FSIP2: variants seen among roughly 807,000 people sequenced by gnomAD.
FSIP2 encodes the protein fibrous sheath-interacting protein 2.
In FSIP2, 367 loss-of-function variants were observed where a neutral mutation model predicts 510.5. That is an observed-to-expected ratio of 0.72 (90% CI 0.66 to 0.78). The LOEUF (loss-of-function observed/expected upper bound fraction) is 0.78. Ranked by LOEUF, FSIP2 falls within the 30% of genes least tolerant of loss-of-function variation. The pLI is 0.00. For missense variants in FSIP2, 7,594 were observed against 7,901.7 expected (o/e 0.96, Z 1.48); for synonymous variants, 2,601 against 2,732.2 (o/e 0.95, Z 1.50).
In FSIP2 at chr2:185,793,689, T is replaced by C; in HGVS notation, c.6553T>C (p.Leu2185=). 6.5e-7 allele frequency: 1 copy of C among 1,534,834 alleles called. No homozygotes were observed. Among genetic ancestry groups the C allele is most frequent in the Non-Finnish European group, 8.7e-7 (1 of 1,145,888 alleles). The change falls in exon 16 of 23, where the codon TTG becomes CTG. Residue 2185 remains leucine (L), a synonymous_variant. Coordinates refer to ENST00000424728, the MANE Select transcript of FSIP2 (RefSeq NM_173651.4). ...INAKNPTSAR[L]PLTFCDTFPK... is the part of the protein sequence containing the mutation. ...TGCAAAGAATCCTACTTCTGCAAGA[T>C]TGCCCCTGACATTTTGTGATACGTT... is the stretch of plus-strand genomic sequence containing the variant.
chr2:185,833,222 A>C lies in FSIP2; in HGVS notation c.20720A>C (p.His6907Pro). Reference protein sequence around the residue: ...RSSSPAHQDEH With the variant: ...RSSSPAHQDEP ...TCCTCACCAGCTCACCAGGATGAACACTGAAGCTTTTGTACCTGATATAAG... is the reference window on the plus strand; with the variant it reads ...TCCTCACCAGCTCACCAGGATGAACCCTGAAGCTTTTGTACCTGATATAAG... The change falls in exon 23 of 23, where the codon CAC becomes CCC. Residue 6907 changes from histidine to proline, a missense_variant. Coordinates refer to ENST00000424728, the MANE Select transcript of FSIP2 (RefSeq NM_173651.4). 3 of 1,605,350 alleles carry C rather than the reference A, an allele frequency of 1.9e-6. No individual in the cohort carries two copies. The highest frequency in any genetic ancestry group is 2.6e-6 in the Non-Finnish European group (3 of 1,176,458).
In FSIP2 at chr2:185,809,040, T is replaced by C; in HGVS notation, c.19734T>C (p.Asn6578=). The part of the protein sequence containing the change: ...ELRRASISGR[N]YSLGSPDLEK... ...GAAGAGCATCAATAAGTGGGAGAAA[T>C]TACTCCTTAGGATCACCTGATTTAG... The change falls in exon 17 of 23, where the codon AAT becomes AAC. Residue 6578 remains asparagine, a synonymous_variant. Coordinates refer to ENST00000424728, the MANE Select transcript of FSIP2 (RefSeq NM_173651.4). 1 of 1,612,160 alleles carries C rather than the reference T, an allele frequency of 6.2e-7. No homozygotes were observed. The highest frequency in any genetic ancestry group is 1.3e-5 in the African/African-American group (1 of 74,872).
intron 20 of FSIP2, among the ~76,000 whole-genome samples, chr2:185,827,467 A>G (rs1694033848): frequency 6.6e-6 from 1 of 151,882 alleles, no homozygotes; most frequent in Non-Finnish European, 1.5e-5. Flanking sequence ...CACAGCTTTA[A>G]GCAATGAAGC....
rs1173509719 is a variant in FSIP2, at chr2:185,790,854, C to T, written c.3718C>T (p.Pro1240Ser). 1 of 1,532,562 alleles carries T rather than the reference C, an allele frequency of 6.5e-7. No homozygotes were observed. Among genetic ancestry groups the T allele is most frequent in the Non-Finnish European group, 8.7e-7 (1 of 1,144,768 alleles). The allele number at this position is 1,532,562 out of a possible 1,614,324, so 94.9% of individuals were successfully genotyped here. ...ATATTTATCTTTATTTGACGTTGAT[C>T]CTGAAAAGCCTCCCTGGTTAAAATC... ...MKYLSLFDVDPEKPPWLKSGK... is the reference protein window; with the variant it reads ...MKYLSLFDVDSEKPPWLKSGK... The change falls in exon 16 of 23, where the codon CCT becomes TCT. Residue 1240 changes from proline (P) to serine (S), a missense_variant. By Grantham distance (74) the Pro-to-Ser change is moderately conservative. Transcript: ENST00000424728.
intron 15 of FSIP2, 72 bp downstream of exon 15, chr2:185,786,360 T>TA: frequency 1.0e-6 from 1 of 966,980 alleles, no homozygotes; most frequent in South Asian, 1.6e-5. Context: ...ATAGAAAACA[T>TA]TTTGTTAACT....
rs1693433796 is a variant in FSIP2, at chr2:185,801,492, G to A, written c.12186G>A (p.Val4062=). The change falls in exon 17 of 23, where the codon GTG becomes GTA. Residue 4062 remains valine (V), a synonymous_variant. Coordinates refer to ENST00000424728, the MANE Select transcript of FSIP2 (RefSeq NM_173651.4). ...YDVLQQYELK[V]ACGNNPVYDN... ...TTTTACAGCAGTATGAATTAAAAGT[G>A]GCCTGTGGTAATAATCCGGTATACG... 1 of 1,533,598 alleles carries A rather than the reference G, an allele frequency of 6.5e-7. No individual in the cohort carries two copies. Among genetic ancestry groups the A allele is most frequent in the Non-Finnish European group, 8.7e-7 (1 of 1,145,392 alleles). 95.0% of individuals were successfully genotyped at this position (1,533,598 alleles called of 1,614,324 possible). A position where few individuals can be genotyped will look rare whatever the true frequency, so the allele number is the denominator to read the frequency against.
chr2:185,802,229 T>A lies in FSIP2; in HGVS notation c.12923T>A (p.Phe4308Tyr). 1.3e-6 allele frequency: 2 copies of A among 1,533,748 alleles called. No homozygotes were observed. Among genetic ancestry groups the A allele is most frequent in the Non-Finnish European group, 1.7e-6 (2 of 1,145,294 alleles). Residue 4308 changes from phenylalanine to tyrosine, a missense_variant, in exon 17 of 23, where the codon TTT becomes TAT. By Grantham distance (22) the Phe-to-Tyr change is conservative (BLOSUM62 3). Coordinates refer to ENST00000424728, the MANE Select transcript of FSIP2 (RefSeq NM_173651.4). ...QSPLDIHLDS[F>Y]VREIVARLLS... Reference sequence around the variant, plus strand: ...CCTTTAGATATTCACCTTGATTCATTTGTAAGGGAGATTGTTGCCAGACTT... The same window carrying A: ...CCTTTAGATATTCACCTTGATTCATATGTAAGGGAGATTGTTGCCAGACTT...
chr2:185,814,556 A>G (rs1334413955), intron 18 of FSIP2, among the ~76,000 whole-genome samples: 1 of 152,048 alleles, frequency 6.6e-6, no homozygotes, highest in Non-Finnish European at 1.5e-5. Flanking sequence ...TATATTTTAA[A>G]TATCACCCTT....
At chr2:185,746,528 A>C (rs1463564367) in intron 5 of FSIP2, 141 bp from the exon 6 acceptor site, 1 of 612,094 alleles carries the variant, frequency 1.6e-6, no homozygotes, top group African/African-American at 1.8e-5. Context: ...TATAAACAGG[A>C]CTGACAGAAA....
intron 9 of FSIP2, among the ~76,000 whole-genome samples, chr2:185,758,007 G>C (rs1179975829): frequency 6.6e-6 from 1 of 150,878 alleles, no homozygotes; most frequent in East Asian, 2.0e-4. Context: ...TGTTACCTCT[G>C]GGATTATTAT....
chr2:185,757,186 T>G (rs1359344352), intron 9 of FSIP2, among the ~76,000 whole-genome samples: 1 of 151,466 alleles, frequency 6.6e-6, no homozygotes, highest in Non-Finnish European at 1.5e-5. Flanking sequence ...AGCAGTTATC[T>G]CAAGCAAACT....
intron 7 of FSIP2, among the ~76,000 whole-genome samples, chr2:185,750,542 T>C (rs1465264627): frequency 6.6e-6 from 1 of 150,880 alleles, no homozygotes; most frequent in Admixed American, 6.6e-5. Context: ...TTCTTTTTCT[T>C]CTTATTTCTC....
chr2:185,829,090 T>C (rs1694065551), intron 21 of FSIP2, among the ~76,000 whole-genome samples: 1 of 151,868 alleles, frequency 6.6e-6, no homozygotes, highest in African/African-American at 2.4e-5. Context: ...AGTAAAATTA[T>C]ATGGCAACAG....
chr2:185,783,427 T>C (rs376779396), intron 14 of FSIP2, among the ~76,000 whole-genome samples: 6 of 152,188 alleles, frequency 3.9e-5, no homozygotes, highest in Admixed American at 6.5e-5. Flanking sequence ...TTTTTAAAAA[T>C]GAACAAGCCA....
In FSIP2 at chr2:185,801,854, A is replaced by T; in HGVS notation, c.12548A>T (p.Asn4183Ile). 1 of 1,486,232 alleles carries T rather than the reference A, an allele frequency of 6.7e-7. No individual in the cohort carries two copies. 92.1% of individuals were successfully genotyped at this position (1,486,232 alleles called of 1,614,324 possible). A position where few individuals can be genotyped will look rare whatever the true frequency, so the allele number is the denominator to read the frequency against. The change falls in exon 17 of 23, where the codon AAT (asparagine) becomes ATT (isoleucine). Residue 4183 changes from asparagine (N) to isoleucine (I), a missense_variant. Coordinates refer to ENST00000424728, the MANE Select transcript of FSIP2 (RefSeq NM_173651.4). ...AATGAAATGTCCACTTGTATAATAA[A>T]TAAGGTTATGTCAGCCATTTCAAAA... ...DFNEMSTCII[N>I]KVMSAISKHK...
intron 22 of FSIP2, 105 bp downstream of exon 22, chr2:185,831,987 T>A (rs992142475): frequency 8.6e-6 from 6 of 696,258 alleles, no homozygotes; most frequent in Admixed American, 6.5e-5. Flanking sequence ...GGCTCTCCCC[T>A]TGCATATTAT....
Position 185,792,141 on chromosome 2 carries a change from G to A in FSIP2, c.5005G>A (p.Val1669Ile), listed in dbSNP as rs868575315. ...NVTSSDLKTS[V>I]ENPPPETQIL... ...GACCTCATCAGATTTGAAGACAAGT[G>A]TAGAAAACCCACCACCTGAGACTCA... Residue 1669 changes from valine (V) to isoleucine (I), a missense_variant, in exon 16 of 23, where the codon GTA becomes ATA. Val to Ile is a conservative substitution (Grantham distance 29). Coordinates refer to ENST00000424728, the MANE Select transcript of FSIP2 (RefSeq NM_173651.4). The A allele has an allele frequency of 5.2e-6, 8 of 1,533,494 alleles. No homozygotes were observed. The African/African-American group carries it at 8.2e-5, about 16-fold the overall frequency. 95.0% of individuals were successfully genotyped at this position (1,533,494 alleles called of 1,614,324 possible). A position where few individuals can be genotyped will look rare whatever the true frequency, so the allele number is the denominator to read the frequency against.
At position 185,808,407 on chromosome 2, in the gene FSIP2, C is replaced by G; in HGVS notation, c.19101C>G (p.Ser6367Arg). Reference protein sequence around the residue: ...AKLIRLPSSSSKDEKNLSKTE... With the variant: ...AKLIRLPSSSRKDEKNLSKTE... Reference sequence around the variant, plus strand: ...TAATAAGGTTGCCAAGTTCCTCAAGCAAAGATGAAAAAAACTTATCAAAGA... The same window carrying G: ...TAATAAGGTTGCCAAGTTCCTCAAGGAAAGATGAAAAAAACTTATCAAAGA... The change falls in exon 17 of 23, where the codon AGC becomes AGG. Residue 6367 changes from serine to arginine, a missense_variant. Transcript: ENST00000424728. 1 of 1,608,478 alleles carries G rather than the reference C, an allele frequency of 6.2e-7. No homozygotes were observed. Among genetic ancestry groups the G allele is most frequent in the Non-Finnish European group, 8.5e-7 (1 of 1,178,240 alleles).
intron 21 of FSIP2, 131 bp downstream of exon 21, chr2:185,828,330 T>C (rs958532564): frequency 5.5e-5 from 34 of 613,534 alleles, no homozygotes; most frequent in Non-Finnish European, 9.5e-5. Flanking sequence ...CTATTCACAA[T>C]TTCTTACACC....
Sources: allele counts gnomAD v4.1 joint callset (sites outside exome capture counted in the v4.1 genomes callset), GRCh38; gene constraint gnomAD v4.1.1; transcripts MANE v1.5; gene names NCBI Gene and HGNC (gene_info 2026-07-23, HGNC 2026-07-21).